Variants in GEMIN5 observed in about 807,000 individuals in gnomAD.
GEMIN5 encodes the protein gem-associated protein 5.
Under a neutral mutation model 176.9 loss-of-function variants are expected in GEMIN5, and 124 were observed. That is an observed-to-expected ratio of 0.70 (90% CI 0.61 to 0.81). The LOEUF (loss-of-function observed/expected upper bound fraction) is 0.81. Among genes scored for constraint, GEMIN5 ranks in the 40% least tolerant of loss-of-function variants. The pLI, the probability that GEMIN5 is intolerant of heterozygous loss-of-function variation, is 0.00. For missense variants in GEMIN5, 1,843 were observed against 1,814.6 expected, an observed-to-expected ratio of 1.02 and a Z score of -0.28; for synonymous variants, 673 against 665.2, an observed-to-expected ratio of 1.01 and a Z score of -0.18.
chr5:154,903,972 TCAAA>T (rs1300213508), intron 18 of GEMIN5, among the ~76,000 whole-genome samples: 48 of 152,086 alleles, frequency 3.2e-4, no homozygotes, highest in African/African-American at 1.0e-3. Context: ...CATGTAAACT[TCAAA>T]TTTAAAAAAT....
Position 154,889,427 on chromosome 5 carries a change from AAAAT to A in GEMIN5, c.4263-14_4263-11del, listed in dbSNP as rs753388051. On this transcript the variant is annotated splice_polypyrimidine_tract_variant and intron_variant, in intron 26 of 27. Transcript: ENST00000285873. The stretch of plus-strand genomic sequence containing the variant: ...ATTTTTTTCTTCTTTACTAGTGAAA[AAAAT>A]AAAAGGTGTAAATTGTATGTCTTGC... 1.3e-6 allele frequency: 2 copies of A among 1,503,244 alleles called. No individual in the cohort carries two copies. The highest frequency in any genetic ancestry group is 1.9e-6 in the Non-Finnish European group (2 of 1,080,136). The allele number at this position is 1,503,244 out of a possible 1,614,324, so 93.1% of individuals were successfully genotyped here. A position where few individuals can be genotyped will look rare whatever the true frequency, so the allele number is the denominator to read the frequency against.
At chr5:154,924,996 A>G (rs1764000393) in intron 8 of GEMIN5, among the ~76,000 whole-genome samples, 1 of 152,140 alleles carries the variant, frequency 6.6e-6, no homozygotes, top group Non-Finnish European at 1.5e-5. Context: ...CTCAAAAAAC[A>G]AAACAAAACA....
At chr5:154,925,788 T>C in intron 8 of GEMIN5, 74 bp downstream of exon 8, 1 of 816,292 alleles carries the variant, frequency 1.2e-6, no homozygotes, top group Non-Finnish European at 2.1e-6. Context: ...AGAGCGCATT[T>C]AAATGAACAG....
At chr5:154,900,733 C>T (rs1174373720) in intron 21 of GEMIN5, among the ~76,000 whole-genome samples, 1 of 152,114 alleles carries the variant, frequency 6.6e-6, no homozygotes, top group Non-Finnish European at 1.5e-5. Flanking sequence ...TTAAAAGCCA[C>T]GTATGTAAAG....
rs1228797307 is a variant in GEMIN5 at position 154,921,405 on chromosome 5, G to A, written c.1400C>T (p.Thr467Ile). 1 of 1,475,004 alleles carries A rather than the reference G, an allele frequency of 6.8e-7. No individual in the cohort carries two copies. The highest frequency in any genetic ancestry group is 1.2e-5 in the South Asian group (1 of 83,298). The allele number at this position is 1,475,004 out of a possible 1,614,324, so 91.4% of individuals were successfully genotyped here. Residue 467 changes from threonine to isoleucine, a missense_variant, in exon 10 of 28, where the codon ACA (threonine) becomes ATA (isoleucine). Physicochemically the swap from Thr to Ile is moderately conservative, Grantham distance 89 (BLOSUM62 -1). Coordinates refer to ENST00000285873, the MANE Select transcript of GEMIN5 (RefSeq NM_015465.5). ...AGTATATACAGTCTTCTTATGATATGTGCTAGAAATCTGTGGAGGCCTTTA... is the reference window on the plus strand; with the variant it reads ...AGTATATACAGTCTTCTTATGATATATGCTAGAAATCTGTGGAGGCCTTTA... ...YSNKPPQISS[T>I]YHKKTVYTLA...
At chr5:154,904,395 A>G (rs971984073) in intron 18 of GEMIN5, 112 bp downstream of exon 18, 11 of 963,674 alleles carry the variant, frequency 1.1e-5, no homozygotes, top group Middle Eastern at 2.4e-4. Flanking sequence ...ACATAAAAAT[A>G]CAGAAAACAA....
intron 13 of GEMIN5, 30 bp from the exon 14 acceptor site, chr5:154,913,068 G>A (rs1204537436): frequency 6.4e-7 from 1 of 1,563,924 alleles, no homozygotes; most frequent in South Asian, 1.2e-5. Flanking sequence ...CATCACTGCT[G>A]CTACTACTAA....
intron 23 of GEMIN5, among the ~76,000 whole-genome samples, chr5:154,898,092 G>A (rs1763390790): frequency 6.6e-6 from 1 of 151,946 alleles, no homozygotes; most frequent in Non-Finnish European, 1.5e-5. Context: ...GTTGAAACGG[G>A]GTTTCACCAT....
At chr5:154,927,845 G>C (rs1419750981) in intron 6 of GEMIN5, among the ~76,000 whole-genome samples, 1 of 152,078 alleles carries the variant, frequency 6.6e-6, no homozygotes, top group African/African-American at 2.4e-5. Flanking sequence ...AAAAAAATTA[G>C]TTGGGCATGG....
At chr5:154,905,761 G>T (rs369787431) in intron 16 of GEMIN5, among the ~76,000 whole-genome samples, 7 of 150,694 alleles carry the variant, frequency 4.6e-5, no homozygotes, top group Admixed American at 4.6e-4. Flanking sequence ...ATTCAGTGGC[G>T]CAATCTTGGC....
intron 15 of GEMIN5, among the ~76,000 whole-genome samples, chr5:154,908,082 C>G (rs1350541469): frequency 1.3e-5 from 2 of 149,272 alleles, no homozygotes; most frequent in Admixed American, 1.4e-4. Flanking sequence ...CACCATAGTA[C>G]AACCATGGAA....
Position 154,931,648 on chromosome 5 carries a change from A to C in GEMIN5, c.662-71T>G, listed in dbSNP as rs960545317. 1.9e-4 allele frequency: 243 copies of C among 1,312,990 alleles called. No homozygotes were observed. The African/African-American group carries it at 3.4e-3, about 18-fold the overall frequency. 81.3% of individuals were successfully genotyped at this position (1,312,990 alleles called of 1,614,324 possible). On this transcript the variant is annotated intron_variant, in intron 4 of 27. Transcript: ENST00000285873. ...CACTAATATAAAAAAATTAGTTTGC[A>C]AGAGTTTCCAAAACTTAGCTATCTC...
At chr5:154,926,118 A>C (rs1243962272) in intron 7 of GEMIN5, 44 bp from the exon 8 acceptor site, 1 of 1,309,928 alleles carries the variant, frequency 7.6e-7, no homozygotes, top group East Asian at 2.3e-5. Context: ...AAAAGAACAG[A>C]GAAATAGGAA....
At chr5:154,921,100 G>C (rs958966244) in intron 10 of GEMIN5, among the ~76,000 whole-genome samples, 10 of 152,130 alleles carry the variant, frequency 6.6e-5, no homozygotes, top group African/African-American at 2.2e-4. Context: ...AAAAATTTCA[G>C]ATCAAATAGA....
chr5:154,891,156 A>G, intron 26 of GEMIN5, 85 bp downstream of exon 26: 1 of 1,295,356 alleles, frequency 7.7e-7, no homozygotes, highest in Non-Finnish European at 1.1e-6. Context: ...CAGCCTCCCA[A>G]AGTGCTGGGA....
intron 3 of GEMIN5, among the ~76,000 whole-genome samples, 172 bp from the exon 4 acceptor site, chr5:154,932,422 T>C (rs1764188238): frequency 1.3e-5 from 2 of 152,202 alleles, no homozygotes; most frequent in Admixed American, 6.5e-5. Context: ...TTTTTTAAAG[T>C]GCTCACCTTA....
intron 7 of GEMIN5, 68 bp from the exon 8 acceptor site, chr5:154,926,142 T>C: frequency 4.1e-6 from 4 of 965,076 alleles, no homozygotes; most frequent in Non-Finnish European, 6.6e-6. Flanking sequence ...AAACCTGATA[T>C]GTCAAATGGG....
At chr5:154,906,592 A>C (rs891720732) in intron 16 of GEMIN5, among the ~76,000 whole-genome samples, 3 of 152,038 alleles carry the variant, frequency 2.0e-5, no homozygotes, top group African/African-American at 7.2e-5. Flanking sequence ...AGAAAAATAA[A>C]GAGATGGGGG....
At chr5:154,915,508 C>T (rs1345052070) in intron 13 of GEMIN5, among the ~76,000 whole-genome samples, 2 of 152,098 alleles carry the variant, frequency 1.3e-5, no homozygotes, top group East Asian at 3.8e-4. Flanking sequence ...TAAATTATAC[C>T]CATATGAAAG....
Sources: gnomAD v4.1 joint callset for allele counts (sites outside exome capture counted in the v4.1 genomes callset) on GRCh38, gnomAD v4.1.1 for gene constraint, MANE v1.5 for transcripts, NCBI Gene and HGNC (gene_info 2026-07-23, HGNC 2026-07-21) for gene names.